FAM221A: variants seen among roughly 807,000 people sequenced by gnomAD.
FAM221A encodes family with sequence similarity 221 member A.
Under a neutral mutation model 37.6 loss-of-function variants are expected in FAM221A, and 43 were observed. That is an observed-to-expected ratio of 1.15 (90% CI 0.90 to 1.48). FAM221A has a LOEUF of 1.48. Ranked by LOEUF, FAM221A falls within the 40% of genes most tolerant of loss-of-function variation. The pLI, the probability that FAM221A is intolerant of heterozygous loss-of-function variation, is 0.00. For synonymous variants in FAM221A, 135 were observed against 132.9 expected (o/e 1.02, Z -0.11); for missense variants, 361 against 361.5 (o/e 1.00, Z 0.01).
chr7:23,680,400 G>C lies in FAM221A; in HGVS notation c.65+117G>C, dbSNP rs1014869746. ...GCGGGGGTTCCCGGAATCTGTGCCT[G>C]GGCTGTTGGGGGAGGCCTAGATGAA... On this transcript the variant is annotated intron_variant, in intron 1 of 6. Coordinates refer to ENST00000344962, the MANE Select transcript of FAM221A (RefSeq NM_199136.5). The C allele has an allele frequency of 2.3e-5, 17 of 723,456 alleles. No homozygotes were observed. In the African/African-American group the frequency reaches 2.8e-4, roughly 12 times the overall value. 44.8% of individuals were successfully genotyped at this position (723,456 alleles called of 1,614,324 possible).
chr7:23,681,984 C>T (rs560378529), intron 1 of FAM221A, among the ~76,000 whole-genome samples: 17 of 152,256 alleles, frequency 1.1e-4, no homozygotes, highest in South Asian at 2.1e-4. Context: ...AGCCTTGTTA[C>T]TCACACTGTG....
At chr7:23,701,496 C>T (rs1213540996) in intron 6 of FAM221A, among the ~76,000 whole-genome samples, 3 of 152,124 alleles carry the variant, frequency 2.0e-5, no homozygotes, top group Admixed American at 1.3e-4. Context: ...GCCTCGGCCT[C>T]GCAAAGTGCT....
intron 1 of FAM221A, among the ~76,000 whole-genome samples, chr7:23,683,089 T>TATGGAAAA (rs1784156030): frequency 6.6e-6 from 1 of 152,190 alleles, no homozygotes; most frequent in East Asian, 1.9e-4. Context: ...GGCTTCAAAG[T>TATGGAAAA]ATGGAAAAAA....
rs757828068 is a variant in FAM221A at position 23,689,344 on chromosome 7, C to G, written c.315C>G (p.Gly105=). 6.2e-7 allele frequency: 1 copy of G among 1,604,270 alleles called. No homozygotes were observed. Among genetic ancestry groups the G allele is most frequent in the Admixed American group, 1.7e-5 (1 of 59,918 alleles). The change falls in exon 3 of 7, where the codon GGC becomes GGG. Residue 105 remains glycine, a synonymous_variant. Transcript: ENST00000344962. The part of the protein sequence containing the change: ...CPIDLPCQVT[G]CQCRAYLYVP... Reference sequence around the variant, plus strand: ...TTGATCTGCCCTGCCAAGTGACTGGCTGCCAGTGCAGGGCTTACCTTTATG... The same window carrying G: ...TTGATCTGCCCTGCCAAGTGACTGGGTGCCAGTGCAGGGCTTACCTTTATG...
At chr7:23,695,766 TCATTGCTTTTGTTAC>T (rs1443775160) in intron 4 of FAM221A, among the ~76,000 whole-genome samples, 1 of 152,240 alleles carries the variant, frequency 6.6e-6, no homozygotes, top group Non-Finnish European at 1.5e-5. Flanking sequence ...CAAAAGTGTT[TCATTGCTTTTGTTAC>T]CATTCTTATT....
At chr7:23,700,992 G>GT in intron 6 of FAM221A, 124 bp downstream of exon 6, 1 of 674,174 alleles carries the variant, frequency 1.5e-6, no homozygotes, top group East Asian at 2.6e-5. Context: ...TACAGTTGGT[G>GT]TTAGGCCTTG....
In FAM221A at chr7:23,686,580, T is replaced by G. The variant is rs1784385022; in HGVS notation, c.239+1908T>G. 3.8e-5 allele frequency: 8 copies of G among 209,414 alleles called. No individual in the cohort carries two copies. In the South Asian group the frequency reaches 5.2e-4, roughly 14 times the overall value. 13.0% of individuals were successfully genotyped at this position (209,414 alleles called of 1,614,324 possible). ...CATGCTCAGCTGACCCAACTCAACT[T>G]TGATGGAGAAGTTATTATATTTAGT... On this transcript the variant is annotated intron_variant, in intron 2 of 6. Coordinates refer to ENST00000344962, the MANE Select transcript of FAM221A (RefSeq NM_199136.5).
At chr7:23,686,187 T>G (rs191644208) in intron 2 of FAM221A, 2 of 317,762 alleles carry the variant, frequency 6.3e-6, no homozygotes, top group East Asian at 2.3e-4. Context: ...AATTTATTCT[T>G]ACACAAATTT....
At chr7:23,692,263 T>G (rs1584271208) in intron 4 of FAM221A, 1 of 287,146 alleles carries the variant, frequency 3.5e-6, no homozygotes, top group Non-Finnish European at 4.4e-6. Flanking sequence ...GGTGTGTAAG[T>G]TTTTTTTTTC....
At chr7:23,691,220 C>T (rs868127932) in intron 3 of FAM221A, among the ~76,000 whole-genome samples, 170 bp from the exon 4 acceptor site, 2 of 151,502 alleles carry the variant, frequency 1.3e-5, no homozygotes, top group Non-Finnish European at 2.9e-5. Context: ...GTTACTACTT[C>T]GGCATGTTTT....
chr7:23,702,046 T>C (rs925665712), intron 6 of FAM221A, 50 bp from the exon 7 acceptor site: 1 of 1,313,218 alleles, frequency 7.6e-7, no homozygotes, highest in Non-Finnish European at 1.0e-6. Flanking sequence ...GTTTTTTTTC[T>C]TTAGAATGGT....
At chr7:23,701,718 T>G (rs1296241947) in intron 6 of FAM221A, among the ~76,000 whole-genome samples, 2 of 152,182 alleles carry the variant, frequency 1.3e-5, no homozygotes, top group Non-Finnish European at 2.9e-5. Flanking sequence ...ACCAGAATTA[T>G]AGAAAACTAT....
chr7:23,680,363 C>G (rs1304608772), intron 1 of FAM221A, 80 bp downstream of exon 1: 1 of 1,185,218 alleles, frequency 8.4e-7, no homozygotes, highest in African/African-American at 1.6e-5. Context: ...AGCAGGGGCC[C>G]GGCGGGCGTC....
At chr7:23,685,586 T>C (rs1329752265) in intron 2 of FAM221A, among the ~76,000 whole-genome samples, 2 of 152,238 alleles carry the variant, frequency 1.3e-5, no homozygotes, top group Non-Finnish European at 2.9e-5. Flanking sequence ...TGTCCATCTA[T>C]AAGTATAAAC....
chr7:23,697,808 G>T (rs1785151893), intron 4 of FAM221A, among the ~76,000 whole-genome samples: 1 of 152,202 alleles, frequency 6.6e-6, no homozygotes, highest in African/African-American at 2.4e-5. Flanking sequence ...ATCCAGTGAA[G>T]TGATGTGATC....
intron 4 of FAM221A, chr7:23,692,194 C>T: frequency 1.0e-6 from 1 of 972,964 alleles, no homozygotes; most frequent in Non-Finnish European, 1.2e-6. Context: ...TAGATGGATC[C>T]TTCTGAGAGC....
intron 3 of FAM221A, 37 bp from the exon 4 acceptor site, chr7:23,691,353 C>A (rs1295400014): frequency 2.5e-6 from 4 of 1,599,700 alleles, no homozygotes; most frequent in Non-Finnish European, 3.4e-6. Context: ...CAACATAGTA[C>A]CTTTAAGAAT....
chr7:23,683,121 A>G (rs1332985052), intron 1 of FAM221A, among the ~76,000 whole-genome samples: 2 of 152,250 alleles, frequency 1.3e-5, no homozygotes, highest in African/African-American at 4.8e-5. Context: ...ACAAAAAAGT[A>G]TGTAGCATTC....
rs1000548370 is a variant in FAM221A, at chr7:23,691,465, T to C, written c.506T>C (p.Val169Ala). The C allele has an allele frequency of 1.9e-6, 3 of 1,614,056 alleles. No individual in the cohort carries two copies. Among genetic ancestry groups the C allele is most frequent in the Non-Finnish European group, 1.7e-6 (2 of 1,180,036 alleles). ...GQPAYAHDTV[V>A]ETKQERLAQE... ...CCTGCATATGCCCATGACACAGTAG[T>C]GGAAACTAAGCAAGAAAGATTGGCT... The change falls in exon 4 of 7, where the codon GTG becomes GCG. Residue 169 changes from valine (V) to alanine (A), a missense_variant. Coordinates refer to ENST00000344962, the MANE Select transcript of FAM221A (RefSeq NM_199136.5).
Sources: allele counts gnomAD v4.1 joint callset (sites outside exome capture counted in the v4.1 genomes callset), GRCh38; gene constraint gnomAD v4.1.1; transcripts MANE v1.5; gene names NCBI Gene and HGNC (gene_info 2026-07-23, HGNC 2026-07-21).